Variants in AGL observed in about 807,000 individuals in gnomAD.
The protein encoded by AGL is glycogen debranching enzyme.
Under a neutral mutation model 199.3 loss-of-function variants are expected in AGL, and 128 were observed. The observed-to-expected ratio is 0.64, with a 90% CI of 0.56 to 0.74. The LOEUF (loss-of-function observed/expected upper bound fraction) is 0.74. AGL is among the 30% of genes least tolerant of loss of function. AGL has a pLI of 0.00. For missense variants in AGL, 1,809 were observed against 1,820.8 expected (o/e 0.99, Z 0.12); for synonymous variants, 584 against 594.7 (o/e 0.98, Z 0.26).
intron 24 of AGL, among the ~76,000 whole-genome samples, chr1:99,893,486 C>T (rs576793047): frequency 1.3e-5 from 2 of 152,276 alleles, no homozygotes; most frequent in East Asian, 1.9e-4. Context: ...CATGCAGATG[C>T]TCATGAAACT....
rs552193678 is a variant in AGL at position 99,912,814 on chromosome 1, T to C, written c.3949+297T>C. 1.1e-4 allele frequency among the ~76,000 whole-genome samples: 16 copies of C among 152,378 alleles called. No individual in the cohort carries two copies. In the East Asian group the frequency reaches 2.9e-3, roughly 28 times the overall value. ...TGAGCAATTTTGCAATCTTTACATGTCTTTTTCTAGAATAGTGCTGTCCAA... is the reference window on the plus strand; with the variant it reads ...TGAGCAATTTTGCAATCTTTACATGCCTTTTTCTAGAATAGTGCTGTCCAA... On this transcript the variant is annotated intron_variant, in intron 29 of 33. Transcript: ENST00000361915.
Position 99,903,084 on chromosome 1 carries a change from A to G in AGL, c.3700+290A>G, listed in dbSNP as rs17121609. ...GCATTGTGGTAACTACTTTACCTAT[A>G]TTATTACCATTTAACACTCCCCAAA... is the stretch of plus-strand genomic sequence containing the variant. On this transcript the variant is annotated intron_variant, in intron 27 of 33. Coordinates refer to ENST00000361915, the MANE Select transcript of AGL (RefSeq NM_000642.3). Among the ~76,000 whole-genome samples, 60,883 of 152,004 alleles carry G rather than the reference A, an allele frequency of 0.4. 12,753 individuals are homozygous for G. The highest frequency in any genetic ancestry group is 0.56 in the East Asian group (2,868 of 5,164).
intron 27 of AGL, among the ~76,000 whole-genome samples, chr1:99,903,003 G>A (rs1213178531): frequency 6.6e-6 from 1 of 152,102 alleles, no homozygotes; most frequent in African/African-American, 2.4e-5. Context: ...GATAATTTTG[G>A]TGGTTTCATT....
intron 33 of AGL, among the ~76,000 whole-genome samples, chr1:99,918,792 C>T (rs1463282878): frequency 6.6e-6 from 1 of 152,130 alleles, no homozygotes; most frequent in Non-Finnish European, 1.5e-5. Context: ...TTAGACCTGA[C>T]CAGAATAGCA....
intron 26 of AGL, among the ~76,000 whole-genome samples, chr1:99,901,862 T>G (rs577643817): frequency 6.5e-4 from 99 of 152,290 alleles, no homozygotes; most frequent in African/African-American, 2.4e-3. Context: ...ACTCAACATT[T>G]GTCCAAAATT....
chr1:99,881,602 A>G lies in AGL; in HGVS notation c.2219A>G (p.His740Arg), dbSNP rs562215810. ...VAVTRHSPSI[H>R]QSVVAVSRTA... ...GTAACAAGACACTCACCTAGCATCCATCAGTCTGTTGTGGCTGTATCTAGA... is the reference window on the plus strand; with the variant it reads ...GTAACAAGACACTCACCTAGCATCCGTCAGTCTGTTGTGGCTGTATCTAGA... The change falls in exon 17 of 34, where the codon CAT becomes CGT. Residue 740 changes from histidine to arginine, a missense_variant. His to Arg is a conservative substitution (Grantham distance 29, BLOSUM62 0). Coordinates refer to ENST00000361915, the MANE Select transcript of AGL (RefSeq NM_000642.3). 96 of 1,614,090 alleles carry G rather than the reference A, an allele frequency of 5.9e-5. No individual in the cohort carries two copies. In the East Asian group the frequency reaches 1.8e-3, roughly 30 times the overall value.
At chr1:99,915,788 ACG>A (rs976785804) in intron 31 of AGL, among the ~76,000 whole-genome samples, 3 of 151,802 alleles carry the variant, frequency 2.0e-5, no homozygotes, top group African/African-American at 7.3e-5. Context: ...ACACACACAC[ACG>A]CACACACACA....
chr1:99,884,510 CT>C, intron 19 of AGL, 58 bp from the exon 20 acceptor site: 1 of 1,602,340 alleles, frequency 6.2e-7, no homozygotes, highest in Middle Eastern at 1.7e-4. Context: ...TTTGCATATC[CT>C]GTTAAATTTG....
chr1:99,919,475 T>C (rs1290619514), intron 33 of AGL, among the ~76,000 whole-genome samples: 1 of 152,218 alleles, frequency 6.6e-6, no homozygotes, highest in African/African-American at 2.4e-5. Context: ...GATCCCTTGT[T>C]CTTTATAGTG....
At chr1:99,863,197 C>T (rs933740779) in intron 4 of AGL, among the ~76,000 whole-genome samples, 2 of 151,998 alleles carry the variant, frequency 1.3e-5, no homozygotes, top group African/African-American at 4.8e-5. Context: ...CTTGGCCTCC[C>T]AAAGTGCTGG....
Position 99,915,410 on chromosome 1 carries a change from G to C in AGL, c.4183G>C (p.Glu1395Gln), listed in dbSNP as rs780593883. The C allele has an allele frequency of 6.2e-7, 1 of 1,613,612 alleles. No individual in the cohort carries two copies. Among genetic ancestry groups the C allele is most frequent in the East Asian group, 2.2e-5 (1 of 44,860 alleles). ...MVVAPELFTT[E>Q]KAWKALEIAE... ...CTAGGCCCCTGAGCTCTTTACTACA[G>C]AAAAAGCATGGAAAGCTTTGGAGAT... The change falls in exon 31 of 34, where the codon GAA becomes CAA. Residue 1395 changes from glutamate to glutamine, a missense_variant. Transcript: ENST00000361915.
chr1:99,898,199 A>G (rs948235424), intron 25 of AGL, among the ~76,000 whole-genome samples: 1 of 152,016 alleles, frequency 6.6e-6, no homozygotes, highest in African/African-American at 2.4e-5. Context: ...GGCGCCCGCC[A>G]CCACACCCGG....
In AGL at chr1:99,881,166, G is replaced by T; in HGVS notation, c.1990G>T (p.Val664Leu). The T allele has an allele frequency of 6.2e-7, 1 of 1,613,400 alleles. No individual in the cohort carries two copies. Reference protein sequence around the residue: ...SGSTRGYDELVPHQISVVSEE... With the variant: ...SGSTRGYDELLPHQISVVSEE... Reference sequence around the variant, plus strand: ...AAGTACAAGAGGCTATGATGAATTAGTGCCTCATCAGGTTTGTTTATATGT... The same window carrying T: ...AAGTACAAGAGGCTATGATGAATTATTGCCTCATCAGGTTTGTTTATATGT... Residue 664 changes from valine to leucine, a missense_variant, in exon 15 of 34, where the codon GTG (valine) becomes TTG (leucine). Physicochemically the swap from Val to Leu is conservative, Grantham distance 32. Transcript: ENST00000361915.
intron 27 of AGL, among the ~76,000 whole-genome samples, chr1:99,904,419 CAG>C (rs1654096806): frequency 6.6e-6 from 1 of 152,208 alleles, no homozygotes; most frequent in South Asian, 2.1e-4. Context: ...AGTACAGCAT[CAG>C]AGTCAGGAGA....
At position 99,888,067 on chromosome 1, in the gene AGL, A is replaced by C. The variant is rs761479006; in HGVS notation, c.2771A>C (p.Asp924Ala). ...EEKEDGGGCY[D>A]IPNWSALKYA... ...AAGGAAGATGGTGGAGGGTGCTATGACATACCAAACTGGTCAGCCCTTAAA... is the reference window on the plus strand; with the variant it reads ...AAGGAAGATGGTGGAGGGTGCTATGCCATACCAAACTGGTCAGCCCTTAAA... The change falls in exon 21 of 34, where the codon GAC becomes GCC. Residue 924 changes from aspartate (D) to alanine (A), a missense_variant. By Grantham distance (126) the Asp-to-Ala change is moderately radical (BLOSUM62 -2). Coordinates refer to ENST00000361915, the MANE Select transcript of AGL (RefSeq NM_000642.3). 1.5e-4 allele frequency: 250 copies of C among 1,613,416 alleles called. No individual in the cohort carries two copies. Among genetic ancestry groups the C allele is most frequent in the Non-Finnish European group, 1.9e-4 (227 of 1,179,690 alleles).
At chr1:99,856,275 C>T (rs1649406364) in intron 2 of AGL, among the ~76,000 whole-genome samples, 1 of 150,642 alleles carries the variant, frequency 6.6e-6, no homozygotes, top group Non-Finnish European at 1.5e-5. Context: ...TATTGGGCTA[C>T]AGAAAGAAAA....
At chr1:99,853,642 C>G (rs1014627054) in intron 2 of AGL, among the ~76,000 whole-genome samples, 3 of 152,176 alleles carry the variant, frequency 2.0e-5, no homozygotes, top group African/African-American at 4.8e-5. Context: ...AATCTCAGTG[C>G]TTTGGGAGGC....
intron 5 of AGL, among the ~76,000 whole-genome samples, chr1:99,866,097 C>T (rs565764483): frequency 1.3e-5 from 2 of 152,100 alleles, no homozygotes; most frequent in Non-Finnish European, 2.9e-5. Context: ...ATGAGACCCC[C>T]ATCTCTTACA....
rs1204481856 is a variant in AGL at position 99,872,497 on chromosome 1, CAATT to C, written c.958+1630_958+1633del. ...TATCATTAACCTTTATCATGTTTGT[CAATT>C]AGGCAAAACATACCTTATTTTAATT... On this transcript the variant is annotated intron_variant, in intron 7 of 33. Transcript: ENST00000361915. 3.3e-5 allele frequency among the ~76,000 whole-genome samples: 5 copies of C among 151,374 alleles called. No individual in the cohort carries two copies. In the East Asian group the frequency reaches 7.7e-4, roughly 23 times the overall value.
Sources: allele counts gnomAD v4.1 joint callset (sites outside exome capture counted in the v4.1 genomes callset), GRCh38; gene constraint gnomAD v4.1.1; transcripts MANE v1.5; gene names NCBI Gene and HGNC (gene_info 2026-07-23, HGNC 2026-07-21).